KLHL29: variants seen among roughly 807,000 people sequenced by gnomAD.
KLHL29 encodes kelch like family member 29.
Under a neutral mutation model 80.4 loss-of-function variants are expected in KLHL29, and 21 were observed. The observed-to-expected ratio is 0.26, with a 90% CI of 0.19 to 0.38. The LOEUF (loss-of-function observed/expected upper bound fraction) is 0.38. KLHL29 is among the 10% of genes least tolerant of loss of function. The pLI, the probability that KLHL29 is intolerant of heterozygous loss-of-function variation, is 1.00. For missense variants in KLHL29, 867 were observed against 1,223.9 expected (o/e 0.71, Z 4.35); for synonymous variants, 511 against 526.8 (o/e 0.97, Z 0.41).
intron 13 of KLHL29, among the ~76,000 whole-genome samples, chr2:23,704,759 T>C (rs1672613215): frequency 6.6e-6 from 1 of 152,054 alleles, no homozygotes; most frequent in African/African-American, 2.4e-5. Context: ...AGGAAAAGAC[T>C]CCGTCTCACA....
At chr2:23,499,654 C>A (rs1239107728) in intron 2 of KLHL29, among the ~76,000 whole-genome samples, 1 of 152,162 alleles carries the variant, frequency 6.6e-6, no homozygotes, top group Non-Finnish European at 1.5e-5. Context: ...GGTCTTCAGC[C>A]CCTTGGGCAC....
intron 5 of KLHL29, among the ~76,000 whole-genome samples, chr2:23,660,083 C>T (rs1393192559): frequency 6.6e-6 from 1 of 152,180 alleles, no homozygotes; most frequent in Admixed American, 6.5e-5. Context: ...CTTCCCTGGA[C>T]CCCCACACCA....
intron 3 of KLHL29, among the ~76,000 whole-genome samples, chr2:23,584,447 A>G (rs1668067259): frequency 1.3e-5 from 2 of 152,200 alleles, no homozygotes. Context: ...TTTGGAAAGT[A>G]TTGGCTCTGC....
chr2:23,618,389 G>C (rs1669076462), intron 3 of KLHL29, among the ~76,000 whole-genome samples: 1 of 152,164 alleles, frequency 6.6e-6, no homozygotes, highest in African/African-American at 2.4e-5. Context: ...CAAATCAGTA[G>C]ACTGAGTAAA....
intron 2 of KLHL29, among the ~76,000 whole-genome samples, chr2:23,532,870 G>A (rs934956051): frequency 1.3e-5 from 2 of 152,208 alleles, no homozygotes; most frequent in African/African-American, 4.8e-5. Flanking sequence ...GGAGAGAGAC[G>A]AACTTTTGTT....
intron 3 of KLHL29, 108 bp from the exon 4 acceptor site, chr2:23,639,031 T>C: frequency 8.8e-7 from 1 of 1,137,450 alleles, no homozygotes; most frequent in Non-Finnish European, 1.2e-6. Flanking sequence ...TGGGCGAAGC[T>C]TAGGCAACTG....
intron 5 of KLHL29, among the ~76,000 whole-genome samples, chr2:23,656,596 C>T (rs1670251632): frequency 6.6e-6 from 1 of 152,234 alleles, no homozygotes; most frequent in Admixed American, 6.5e-5. Context: ...GATCGCCTTC[C>T]CGTGGCTGAG....
At position 23,708,416 on chromosome 2, in the gene KLHL29, G is replaced by C. The variant is rs1042425933; in HGVS notation, c.*1752G>C. 1.3e-5 allele frequency: 2 copies of C among 152,170 alleles called. No homozygotes were observed. Among genetic ancestry groups the C allele is most frequent in the African/African-American group, 4.8e-5 (2 of 41,434 alleles). 9.4% of individuals were successfully genotyped at this position (152,170 alleles called of 1,614,324 possible). On this transcript the variant is annotated 3_prime_UTR_variant, in exon 14 of 14. Coordinates refer to ENST00000486442, the MANE Select transcript of KLHL29 (RefSeq NM_052920.2). The stretch of plus-strand genomic sequence containing the variant: ...TGGTGTGCGTCTGCCTCCAAAGGAG[G>C]TTCTAGTTGTCAGCGAGACTCAACA...
intron 1 of KLHL29, among the ~76,000 whole-genome samples, chr2:23,459,836 C>T (rs1022924736): frequency 6.6e-6 from 1 of 152,122 alleles, no homozygotes; most frequent in African/African-American, 2.4e-5. Flanking sequence ...GATTTAGCAC[C>T]ATGGAGGACA....
chr2:23,459,843 G>A (rs1185940644), intron 1 of KLHL29, among the ~76,000 whole-genome samples: 2 of 152,182 alleles, frequency 1.3e-5, no homozygotes, highest in Non-Finnish European at 2.9e-5. Flanking sequence ...CACCATGGAG[G>A]ACACTGGTGA....
chr2:23,405,288 G>A (rs186537138), intron 1 of KLHL29, among the ~76,000 whole-genome samples: 165 of 151,628 alleles, frequency 1.1e-3, no homozygotes, highest in Admixed American at 1.4e-3. Context: ...ATTATTTTAC[G>A]GACCATGAAA....
chr2:23,551,109 G>A (rs929735402), intron 2 of KLHL29, among the ~76,000 whole-genome samples: 5 of 152,330 alleles, frequency 3.3e-5, no homozygotes, highest in South Asian at 2.1e-4. Flanking sequence ...GCTCCTCTAC[G>A]TAATCAAATG....
At chr2:23,566,928 G>A (rs966265181) in intron 3 of KLHL29, among the ~76,000 whole-genome samples, 1 of 152,236 alleles carries the variant, frequency 6.6e-6, no homozygotes, top group African/African-American at 2.4e-5. Context: ...CCCCCTGGTG[G>A]TTGGTGCTGG....
intron 3 of KLHL29, among the ~76,000 whole-genome samples, chr2:23,629,790 G>A (rs138191483): frequency 3.3e-4 from 50 of 152,334 alleles, no homozygotes; most frequent in African/African-American, 1.2e-3. Context: ...AAAGGCATGG[G>A]CTACCACACA....
intron 1 of KLHL29, among the ~76,000 whole-genome samples, chr2:23,427,787 T>C (rs1233988542): frequency 6.6e-6 from 1 of 152,212 alleles, no homozygotes; most frequent in Non-Finnish European, 1.5e-5. Context: ...AGGTCCTTGA[T>C]GTCAGTTTTG....
intron 3 of KLHL29, among the ~76,000 whole-genome samples, chr2:23,582,432 G>A (rs1296084155): frequency 6.6e-6 from 1 of 152,202 alleles, no homozygotes; most frequent in Admixed American, 6.5e-5. Flanking sequence ...AAGTGGGGGT[G>A]GAGGATGGGG....
rs192150786 is a variant in KLHL29 at position 23,666,152 on chromosome 2, C to G, written c.941-18247C>G. On this transcript the variant is annotated intron_variant, in intron 5 of 13. Transcript: ENST00000486442. ...CTGAGCACCTACCCTGCACAACAAACCAAACTCCCTGCCCTCAGGGGGCTC... is the reference window on the plus strand; with the variant it reads ...CTGAGCACCTACCCTGCACAACAAAGCAAACTCCCTGCCCTCAGGGGGCTC... 1.4e-3 allele frequency among the ~76,000 whole-genome samples: 220 copies of G among 152,344 alleles called. 1 individual carries two copies. The highest frequency in any genetic ancestry group is 2.8e-3 in the Non-Finnish European group (191 of 68,028).
At chr2:23,419,228 C>T (rs1662709415) in intron 1 of KLHL29, among the ~76,000 whole-genome samples, 1 of 152,252 alleles carries the variant, frequency 6.6e-6, no homozygotes, top group Non-Finnish European at 1.5e-5. Flanking sequence ...TTGAACTCTG[C>T]AGACACTGGC....
At chr2:23,532,382 G>A (rs1182210432) in intron 2 of KLHL29, among the ~76,000 whole-genome samples, 1 of 152,254 alleles carries the variant, frequency 6.6e-6, no homozygotes, top group Admixed American at 6.5e-5. Context: ...GGTTTGCAGT[G>A]TGCTTGGCTT....
Sources: gnomAD v4.1 joint callset for allele counts (sites outside exome capture counted in the v4.1 genomes callset) on GRCh38, gnomAD v4.1.1 for gene constraint, MANE v1.5 for transcripts, NCBI Gene and HGNC (gene_info 2026-07-23, HGNC 2026-07-21) for gene names.